The following UBE2E2 variants were observed in gnomAD, a reference collection of about 807,000 sequenced individuals.
UBE2E2 encodes the protein ubiquitin-conjugating enzyme E2 E2.
Under a neutral mutation model 24.7 loss-of-function variants are expected in UBE2E2, and 6 were observed. That is an observed-to-expected ratio of 0.24 (90% CI 0.13 to 0.48). The LOEUF (loss-of-function observed/expected upper bound fraction) is 0.48, where lower values mean the gene tolerates loss of function less well. Ranked by LOEUF, UBE2E2 falls within the 20% of genes least tolerant of loss-of-function variation. The pLI, the probability that UBE2E2 is intolerant of heterozygous loss-of-function variation, is 0.99. For missense variants in UBE2E2, 169 were observed against 245.0 expected (o/e 0.69, Z 2.07); for synonymous variants, 104 against 83.6 (o/e 1.24, Z -1.33).
chr3:23,425,469 C>T (rs906206631), intron 3 of UBE2E2, among the ~76,000 whole-genome samples: 18 of 152,166 alleles, frequency 1.2e-4, no homozygotes, highest in African/African-American at 3.1e-4. Flanking sequence ...GAAGTCATTA[C>T]GTCAAAAAAT....
chr3:23,440,637 G>A (rs1698284146), intron 3 of UBE2E2, among the ~76,000 whole-genome samples: 1 of 152,172 alleles, frequency 6.6e-6, no homozygotes, highest in African/African-American at 2.4e-5. Flanking sequence ...CGTTAGGTAA[G>A]ATACTGAGAA....
chr3:23,541,192 T>C (rs527868762), intron 5 of UBE2E2, among the ~76,000 whole-genome samples: 30 of 152,366 alleles, frequency 2.0e-4, no homozygotes, highest in Admixed American at 7.8e-4. Context: ...GAAGAATTAA[T>C]GTAACACTAC....
intron 3 of UBE2E2, among the ~76,000 whole-genome samples, chr3:23,472,475 C>CT (rs945836095): frequency 6.6e-6 from 1 of 152,102 alleles, no homozygotes; most frequent in African/African-American, 2.4e-5. Context: ...ATCCTCCATA[C>CT]TTTTTTCACT....
intron 3 of UBE2E2, among the ~76,000 whole-genome samples, chr3:23,322,268 A>C (rs1443016209): frequency 2.0e-5 from 3 of 152,172 alleles, no homozygotes. Context: ...CTGGGCTGCA[A>C]ATTTTCTCTT....
intron 3 of UBE2E2, among the ~76,000 whole-genome samples, chr3:23,234,694 A>G (rs1055549370): frequency 1.3e-5 from 2 of 152,140 alleles, no homozygotes; most frequent in Non-Finnish European, 2.9e-5. Context: ...ACTAATCTCT[A>G]ATGGCTTAGA....
chr3:23,432,678 G>A (rs762742488), intron 3 of UBE2E2, among the ~76,000 whole-genome samples: 3 of 151,688 alleles, frequency 2.0e-5, no homozygotes, highest in Non-Finnish European at 2.9e-5. Context: ...TCAATTTTGG[G>A]CATTTCATGT....
intron 3 of UBE2E2, among the ~76,000 whole-genome samples, chr3:23,258,765 C>T (rs188936958): frequency 9.2e-5 from 14 of 151,618 alleles, no homozygotes; most frequent in African/African-American, 3.1e-4. Context: ...TGGTGGCGGG[C>T]GCCTGTAGTC....
intron 3 of UBE2E2, among the ~76,000 whole-genome samples, chr3:23,364,423 C>G (rs1696203695): frequency 1.3e-5 from 2 of 152,048 alleles, no homozygotes; most frequent in South Asian, 2.1e-4. Flanking sequence ...TAAACAGAAT[C>G]AGAAATGACA....
At chr3:23,403,615 G>A (rs1327540076) in intron 3 of UBE2E2, among the ~76,000 whole-genome samples, 1 of 152,130 alleles carries the variant, frequency 6.6e-6, no homozygotes, top group East Asian at 1.9e-4. Flanking sequence ...AAGGTCAGGA[G>A]TTCAAGACCA....
At chr3:23,522,410 G>T (rs1408820640) in intron 4 of UBE2E2, among the ~76,000 whole-genome samples, 1 of 152,152 alleles carries the variant, frequency 6.6e-6, no homozygotes, top group African/African-American at 2.4e-5. Flanking sequence ...GGGATTACAG[G>T]CGTGAGCCAC....
intron 5 of UBE2E2, among the ~76,000 whole-genome samples, chr3:23,587,385 C>G (rs1195012250): frequency 6.6e-6 from 1 of 152,168 alleles, no homozygotes; most frequent in Non-Finnish European, 1.5e-5. Context: ...TGTGTACACT[C>G]TGGATGTGGG....
At chr3:23,253,639 T>TA (rs1439488668) in intron 3 of UBE2E2, among the ~76,000 whole-genome samples, 3 of 152,148 alleles carry the variant, frequency 2.0e-5, no homozygotes, top group African/African-American at 4.8e-5. Context: ...TGGAAAATGA[T>TA]AAAAAATATG....
chr3:23,511,920 A>G (rs1694602564), intron 4 of UBE2E2, among the ~76,000 whole-genome samples: 1 of 152,210 alleles, frequency 6.6e-6, no homozygotes, highest in Non-Finnish European at 1.5e-5. Flanking sequence ...CTGTAGTTGC[A>G]GTGGCCTTCT....
intron 3 of UBE2E2, among the ~76,000 whole-genome samples, chr3:23,422,386 A>C (rs1697823839): frequency 6.6e-6 from 1 of 152,158 alleles, no homozygotes; most frequent in South Asian, 2.1e-4. Context: ...GGAAGAATCT[A>C]CTCTGCTGCT....
intron 3 of UBE2E2, among the ~76,000 whole-genome samples, chr3:23,361,967 A>C (rs182906348): frequency 1.3e-5 from 2 of 152,244 alleles, no homozygotes; most frequent in African/African-American, 4.8e-5. Context: ...AATTGTATAC[A>C]TACTTAATCT....
chr3:23,496,685 C>T (rs758544476), intron 3 of UBE2E2, among the ~76,000 whole-genome samples: 5 of 151,996 alleles, frequency 3.3e-5, no homozygotes, highest in Non-Finnish European at 7.4e-5. Flanking sequence ...GTGTTGTTTC[C>T]AATTTTGCTA....
chr3:23,208,863 C>T lies in UBE2E2; in HGVS notation c.164C>T (p.Thr55Ile). ...ISSKTAAKLSTSAKRIQKELA... is the reference protein window; with the variant it reads ...ISSKTAAKLSISAKRIQKELA... ...AGCAAAACCGCTGCTAAATTGTCAA[C>T]TAGTGCTAAAAGGTACTTCAGTTAT... Residue 55 changes from threonine to isoleucine, a missense_variant, in exon 2 of 6, where the codon ACT becomes ATT. Physicochemically the swap from Thr to Ile is moderately conservative, Grantham distance 89 (BLOSUM62 -1). Transcript: ENST00000396703. 6.2e-7 allele frequency: 1 copy of T among 1,612,248 alleles called. No homozygotes were observed. The highest frequency in any genetic ancestry group is 8.5e-7 in the Non-Finnish European group (1 of 1,179,128).
chr3:23,317,187 A>G (rs564833898), intron 3 of UBE2E2, among the ~76,000 whole-genome samples: 112 of 152,224 alleles, frequency 7.4e-4, no homozygotes, highest in Non-Finnish European at 7.4e-4. Flanking sequence ...TTGCCTAGGA[A>G]TTGTTGTCCT....
intron 3 of UBE2E2, among the ~76,000 whole-genome samples, chr3:23,491,568 C>T (rs1338814457): frequency 2.0e-4 from 31 of 152,246 alleles, no homozygotes. Context: ...GCCCAGCTCT[C>T]TTGAAAGCTC....
Sources: allele counts gnomAD v4.1 joint callset (sites outside exome capture counted in the v4.1 genomes callset), GRCh38; gene constraint gnomAD v4.1.1; transcripts MANE v1.5; gene names NCBI Gene and HGNC (gene_info 2026-07-23, HGNC 2026-07-21).